Variants in FGGY observed in about 807,000 individuals in gnomAD.
FGGY encodes the protein FGGY carbohydrate kinase domain containing.
Under a neutral mutation model 71.3 loss-of-function variants are expected in FGGY, and 72 were observed. The ratio of observed to expected loss-of-function variants is 1.01; its 90% CI spans 0.84 to 1.23. FGGY has a LOEUF of 1.23. FGGY is among the 50% of genes most tolerant of loss of function. FGGY has a pLI of 0.00. For synonymous variants in FGGY, 251 were observed against 250.3 expected, an observed-to-expected ratio of 1.00 and a Z score of -0.02; for missense variants, 668 against 682.3, an observed-to-expected ratio of 0.98 and a Z score of 0.23.
intron 6 of FGGY, among the ~76,000 whole-genome samples, chr1:59,505,989 A>G (rs916877036): frequency 8.5e-5 from 13 of 152,258 alleles, no homozygotes; most frequent in Admixed American, 6.5e-4. Flanking sequence ...GGAATTCAGC[A>G]GACTTGAGCC....
At chr1:59,641,340 C>T in intron 11 of FGGY, 3 of 1,601,374 alleles carry the variant, frequency 1.9e-6, no homozygotes, top group South Asian at 1.1e-5. Flanking sequence ...CAGTTCTCTA[C>T]TCTCCCCTCA....
chr1:59,616,596 G>A lies in FGGY; in HGVS notation c.1011+8686G>A, dbSNP rs183985786. Among the ~76,000 whole-genome samples the A allele has an allele frequency of 4.9e-3, 743 of 151,846 alleles. 6 individuals carry two copies. The highest frequency in any genetic ancestry group is 0.017 in the African/African-American group (714 of 41,448). On this transcript the variant is annotated intron_variant, in intron 9 of 15. Transcript: ENST00000303721. The stretch of plus-strand genomic sequence containing the variant: ...TGTATACATATGTAACAAACCTGCA[G>A]GTTGTGCACATGTACCCTAAAACTT...
In FGGY at chr1:59,593,302, T is replaced by C. The variant is rs970520597; in HGVS notation, c.904-14501T>C. On this transcript the variant is annotated intron_variant, in intron 8 of 15. Transcript: ENST00000303721. The stretch of plus-strand genomic sequence containing the variant: ...AGTTACAAGGCAATCAACATATAAA[T>C]GGGGATCATCTTCCCATCGCCTTCA... Among the ~76,000 whole-genome samples the C allele has an allele frequency of 1.2e-4, 18 of 152,348 alleles. No homozygotes were observed. In the East Asian group the frequency reaches 2.5e-3, roughly 21 times the overall value.
intron 7 of FGGY, among the ~76,000 whole-genome samples, chr1:59,543,112 T>G (rs1357339871): frequency 1.3e-5 from 2 of 152,242 alleles, no homozygotes; most frequent in Non-Finnish European, 2.9e-5. Context: ...TCATTTTTAC[T>G]CTCATCTTCT....
chr1:59,349,610 T>C (rs1299269500), intron 4 of FGGY, among the ~76,000 whole-genome samples: 1 of 152,238 alleles, frequency 6.6e-6, no homozygotes, highest in Non-Finnish European at 1.5e-5. Context: ...GAACATCTTA[T>C]ATTAATTTAT....
chr1:59,496,501 G>T (rs1372901771), intron 6 of FGGY, among the ~76,000 whole-genome samples: 1 of 152,106 alleles, frequency 6.6e-6, no homozygotes, highest in African/African-American at 2.4e-5. Context: ...ACAAAGGAGA[G>T]AACAGTAGAC....
At chr1:59,354,069 T>C (rs1021987844) in intron 4 of FGGY, among the ~76,000 whole-genome samples, 3 of 149,644 alleles carry the variant, frequency 2.0e-5, no homozygotes, top group African/African-American at 5.0e-5. Context: ...CCTATAATTA[T>C]TGTATTTTTC....
At chr1:59,745,028 G>A (rs2098183700) in intron 14 of FGGY, among the ~76,000 whole-genome samples, 1 of 152,172 alleles carries the variant, frequency 6.6e-6, no homozygotes, top group Non-Finnish European at 1.5e-5. Context: ...CTATCTGTCT[G>A]ACCTCTGCTC....
At chr1:59,730,665 A>G (rs17557490) in intron 14 of FGGY, among the ~76,000 whole-genome samples, 66 of 152,236 alleles carry the variant, frequency 4.3e-4, no homozygotes, top group Non-Finnish European at 9.0e-4. Context: ...ATACAACTAA[A>G]ATAACAATAA....
At chr1:59,401,372 T>A (rs2061946938) in intron 5 of FGGY, among the ~76,000 whole-genome samples, 1 of 152,216 alleles carries the variant, frequency 6.6e-6, no homozygotes, top group South Asian at 2.1e-4. Context: ...CTGCTTTGTA[T>A]TACTGACATT....
At chr1:59,631,465 G>GTACAATATTCTAAA (rs1462704733) in intron 10 of FGGY, among the ~76,000 whole-genome samples, 1 of 152,110 alleles carries the variant, frequency 6.6e-6, no homozygotes, top group Non-Finnish European at 1.5e-5. Flanking sequence ...AGATCTATGA[G>GTACAATATTCTAAA]TACAATATTC....
At chr1:59,343,449 G>C (rs564106403) in intron 3 of FGGY, among the ~76,000 whole-genome samples, 133 of 152,214 alleles carry the variant, frequency 8.7e-4, no homozygotes, top group Admixed American at 3.4e-3. Context: ...ACACTTTCCT[G>C]CCTTTTGAAA....
intron 4 of FGGY, among the ~76,000 whole-genome samples, chr1:59,364,039 C>T (rs1234140627): frequency 6.6e-6 from 1 of 152,122 alleles, no homozygotes; most frequent in African/African-American, 2.4e-5. Context: ...GTACGCCTGT[C>T]CTTTACGGGT....
chr1:59,688,695 C>T (rs937417314), intron 14 of FGGY, among the ~76,000 whole-genome samples: 1 of 152,128 alleles, frequency 6.6e-6, no homozygotes, highest in Non-Finnish European at 1.5e-5. Flanking sequence ...GCTCTTTCCA[C>T]TTGGGGACGT....
At chr1:59,385,144 TTCTC>T (rs2059929565) in intron 5 of FGGY, among the ~76,000 whole-genome samples, 1 of 152,028 alleles carries the variant, frequency 6.6e-6, no homozygotes, top group Non-Finnish European at 1.5e-5. Context: ...CTCCTCCCCT[TTCTC>T]TCTTCCTTCT....
chr1:59,415,069 A>G (rs2064159936), intron 5 of FGGY, among the ~76,000 whole-genome samples: 1 of 152,116 alleles, frequency 6.6e-6, no homozygotes. Flanking sequence ...TGAGTCTGGG[A>G]CAGGATCACA....
At chr1:59,332,725 A>G (rs1370532368) in intron 2 of FGGY, among the ~76,000 whole-genome samples, 1 of 152,190 alleles carries the variant, frequency 6.6e-6, no homozygotes, top group Non-Finnish European at 1.5e-5. Context: ...GGGGATTCAT[A>G]ACATACATTG....
intron 14 of FGGY, among the ~76,000 whole-genome samples, chr1:59,692,868 A>T (rs2097605583): frequency 6.6e-6 from 1 of 152,138 alleles, no homozygotes; most frequent in East Asian, 1.9e-4. Context: ...TAATCATGCT[A>T]TGGTCATATT....
chr1:59,688,165 C>T (rs1323281038), intron 14 of FGGY, among the ~76,000 whole-genome samples: 3 of 152,198 alleles, frequency 2.0e-5, no homozygotes, highest in Non-Finnish European at 4.4e-5. Flanking sequence ...AAGCACACTA[C>T]AAGATAGTGT....
Sources: allele counts gnomAD v4.1 joint callset (sites outside exome capture counted in the v4.1 genomes callset), GRCh38; gene constraint gnomAD v4.1.1; transcripts MANE v1.5; gene names NCBI Gene and HGNC (gene_info 2026-07-23, HGNC 2026-07-21).